Variants in MALRD1 observed in about 807,000 individuals in gnomAD.
The protein encoded by MALRD1 is MAM and LDL-receptor class A domain-containing protein 1.
MALRD1 carries 247 observed loss-of-function variants against 242.1 expected under a neutral mutation model. That is an observed-to-expected ratio of 1.02 (90% CI 0.92 to 1.13). The LOEUF (loss-of-function observed/expected upper bound fraction) is 1.13, where lower values mean the gene tolerates loss of function less well. Among genes scored for constraint, MALRD1 ranks in the 50% most tolerant of loss-of-function variants. The pLI, the probability that MALRD1 is intolerant of heterozygous loss-of-function variation, is 0.00. For missense variants in MALRD1, 2,989 were observed against 2,533.1 expected, an observed-to-expected ratio of 1.18 and a Z score of -3.86; for synonymous variants, 995 against 866.6, an observed-to-expected ratio of 1.15 and a Z score of -2.60.
chr10:19,380,037 G>A (rs1230484107), intron 26 of MALRD1, among the ~76,000 whole-genome samples: 1 of 149,062 alleles, frequency 6.7e-6, no homozygotes, highest in Non-Finnish European at 1.5e-5. Context: ...TGCAGTGGCA[G>A]GATCTTGGCT....
At chr10:19,278,130 T>G in intron 19 of MALRD1, among the ~76,000 whole-genome samples, 1 of 152,096 alleles carries the variant, frequency 6.6e-6, no homozygotes, top group East Asian at 1.9e-4. Flanking sequence ...ATCTAATGAG[T>G]CAATCAGACA....
chr10:19,333,022 CCT>C lies in MALRD1; in HGVS notation c.3901+1443_3901+1444del, dbSNP rs564907592. 2.0e-5 allele frequency among the ~76,000 whole-genome samples: 3 copies of C among 152,100 alleles called. No homozygotes were observed. The South Asian group carries it at 6.2e-4, about 32-fold the overall frequency. ...TGCTATCCCTCCCCTAGCCCCCTAC[CCT>C]CTGACAGGCCCTGGTGTATGATGTT... is the stretch of plus-strand genomic sequence containing the variant. On this transcript the variant is annotated intron_variant, in intron 24 of 39. Transcript: ENST00000454679.
At position 19,057,100 on chromosome 10, in the gene MALRD1, C is replaced by A. The variant is rs562124449; in HGVS notation, c.199+7963C>A. Among the ~76,000 whole-genome samples the A allele has an allele frequency of 2.6e-5, 4 of 152,174 alleles. No homozygotes were observed. In the South Asian group the frequency reaches 8.3e-4, roughly 32 times the overall value. The stretch of plus-strand genomic sequence containing the variant: ...AATATTTTGTTGAAAATGTTTGCAT[C>A]TGTGTTCATCAGGAATATTGGCTTG... On this transcript the variant is annotated intron_variant, in intron 1 of 39. Transcript: ENST00000454679.
chr10:19,534,981 G>T (rs1834594127), intron 32 of MALRD1, among the ~76,000 whole-genome samples: 1 of 152,104 alleles, frequency 6.6e-6, no homozygotes, highest in African/African-American at 2.4e-5. Flanking sequence ...CGCCTCCCTG[G>T]TTCAAGCGAT....
In MALRD1 at chr10:19,331,406, G is replaced by A; in HGVS notation, c.3725G>A (p.Gly1242Glu). 6.4e-7 allele frequency: 1 copy of A among 1,550,490 alleles called. No homozygotes were observed. The highest frequency in any genetic ancestry group is 8.7e-7 in the Non-Finnish European group (1 of 1,146,884). The change falls in exon 24 of 40, where the codon GGA becomes GAA. Residue 1242 changes from glycine to glutamate, a missense_variant. By Grantham distance (98) the Gly-to-Glu change is moderately conservative. Transcript: ENST00000454679. Reference sequence around the variant, plus strand: ...GCCAAACGTGGTATCAGTTACATAGGAGATGTAGCAGTGGATGATATTTCC... The same window carrying A: ...GCCAAACGTGGTATCAGTTACATAGAAGATGTAGCAGTGGATGATATTTCC... ...FRAKRGISYIGDVAVDDISFQ... is the reference protein window; with the variant it reads ...FRAKRGISYIEDVAVDDISFQ...
intron 2 of MALRD1, among the ~76,000 whole-genome samples, chr10:19,074,078 C>T (rs1835243281): frequency 6.6e-6 from 1 of 152,096 alleles, no homozygotes; most frequent in South Asian, 2.1e-4. Flanking sequence ...TGACTGGAAA[C>T]AAAGAAGATA....
chr10:19,050,844 C>A (rs1834471948), intron 1 of MALRD1, among the ~76,000 whole-genome samples: 1 of 152,168 alleles, frequency 6.6e-6, no homozygotes, highest in Non-Finnish European at 1.5e-5. Flanking sequence ...TCCTTCAGTA[C>A]CCTGGCTGTG....
chr10:19,071,329 T>A (rs1046128929), intron 2 of MALRD1, among the ~76,000 whole-genome samples: 8 of 151,974 alleles, frequency 5.3e-5, no homozygotes, highest in African/African-American at 1.9e-4. Flanking sequence ...CTCTCTTCTT[T>A]ATAGAATTTC....
chr10:19,365,257 T>C (rs954111948), intron 26 of MALRD1, among the ~76,000 whole-genome samples: 15 of 152,178 alleles, frequency 9.9e-5, no homozygotes, highest in Non-Finnish European at 4.4e-5. Flanking sequence ...ATTTTCTTCA[T>C]TCCTTAAATA....
rs1564586718 is a variant in MALRD1 at position 19,352,568 on chromosome 10, C to G, written c.4441+271C>G. On this transcript the variant is annotated intron_variant, in intron 26 of 39. Coordinates refer to ENST00000454679, the MANE Select transcript of MALRD1 (RefSeq NM_001142308.3). ...CTTAGATCAATAAAATAAGAGAAGA[C>G]TCCTTTGTTTGCAGTCTGCTTCAGA... 2.0e-5 allele frequency among the ~76,000 whole-genome samples: 3 copies of G among 152,142 alleles called. No individual in the cohort carries two copies. The South Asian group carries it at 6.2e-4, about 31-fold the overall frequency.
intron 2 of MALRD1, among the ~76,000 whole-genome samples, chr10:19,073,747 T>C (rs977363086): frequency 2.6e-5 from 4 of 152,138 alleles, no homozygotes; most frequent in African/African-American, 9.7e-5. Flanking sequence ...TAAGAGATAC[T>C]GAACCTGTAT....
chr10:19,182,323 C>CTTTTT (rs1835541746), intron 14 of MALRD1, among the ~76,000 whole-genome samples: 14 of 108,050 alleles, frequency 1.3e-4, no homozygotes, highest in Non-Finnish European at 2.3e-4. Context: ...CCAAAACCTA[C>CTTTTT]ATTTTTTTTT....
intron 1 of MALRD1, among the ~76,000 whole-genome samples, chr10:19,051,067 G>A (rs147327279): frequency 3.2e-3 from 480 of 152,276 alleles, no homozygotes; most frequent in African/African-American, 0.011. Context: ...TCATTTCTGA[G>A]AAGTTTCCAC....
At chr10:19,254,690 CAG>C (rs1839428135) in intron 18 of MALRD1, among the ~76,000 whole-genome samples, 1 of 151,518 alleles carries the variant, frequency 6.6e-6, no homozygotes, top group Non-Finnish European at 1.5e-5. Flanking sequence ...ATATTTGAGA[CAG>C]AAATTCTTAT....
intron 25 of MALRD1, among the ~76,000 whole-genome samples, chr10:19,348,828 G>T (rs1700008763): frequency 6.6e-6 from 1 of 152,150 alleles, no homozygotes; most frequent in Non-Finnish European, 1.5e-5. Context: ...TTGCTTACAA[G>T]AGATGGATAC....
At chr10:19,154,258 A>G (rs1834047498) in intron 11 of MALRD1, among the ~76,000 whole-genome samples, 1 of 152,214 alleles carries the variant, frequency 6.6e-6, no homozygotes, top group African/African-American at 2.4e-5. Flanking sequence ...GATGGAGTCT[A>G]TAAAATAATA....
At chr10:19,050,491 C>T (rs551082779) in intron 1 of MALRD1, among the ~76,000 whole-genome samples, 2 of 152,198 alleles carry the variant, frequency 1.3e-5, no homozygotes, top group African/African-American at 2.4e-5. Flanking sequence ...TGTTTACCTT[C>T]CATTTATATA....
intron 7 of MALRD1, among the ~76,000 whole-genome samples, chr10:19,127,927 A>G (rs548715184): frequency 9.1e-4 from 139 of 152,310 alleles, no homozygotes; most frequent in African/African-American, 3.0e-3. Context: ...ATTTGGTGGT[A>G]TAGCAATTTG....
intron 36 of MALRD1, chr10:19,633,869 C>T (rs1285128734): frequency 8.0e-5 from 11 of 138,114 alleles, no homozygotes; most frequent in Admixed American, 3.8e-4. Flanking sequence ...GACAGAGTCT[C>T]ACTCTGTCAC....
Sources: allele counts gnomAD v4.1 joint callset (sites outside exome capture counted in the v4.1 genomes callset), GRCh38; gene constraint gnomAD v4.1.1; transcripts MANE v1.5; gene names NCBI Gene and HGNC (gene_info 2026-07-23, HGNC 2026-07-21).